The following NUTM2B variants were observed in gnomAD, a reference collection of about 807,000 sequenced individuals.
The protein encoded by NUTM2B is family with sequence similarity 22, member B.
NUTM2B carries 2 observed loss-of-function variants against 42.4 expected under a neutral mutation model. The observed-to-expected ratio is 0.05, with a 90% CI of 0.02 to 0.15. The LOEUF is 0.15. Ranked by LOEUF, NUTM2B falls within the 10% of genes least tolerant of loss-of-function variation. The pLI, the probability that NUTM2B is intolerant of heterozygous loss-of-function variation, is 1.00. For missense variants in NUTM2B, 58 were observed against 952.6 expected, an observed-to-expected ratio of 0.06 and a Z score of 12.36; for synonymous variants, 18 against 402.4, an observed-to-expected ratio of 0.04 and a Z score of 11.43.
upstream of NUTM2B, among the ~76,000 whole-genome samples, chr10:79,701,534 A>G (rs1463011442): frequency 2.6e-5 from 4 of 152,008 alleles, no homozygotes; most frequent in Non-Finnish European, 5.9e-5. Flanking sequence ...GATAACACTG[A>G]AGAGCCTTCA....
At chr10:79,702,671 C>T (rs1361220324), upstream of NUTM2B, among the ~76,000 whole-genome samples, 1 of 150,130 alleles carries the variant, frequency 6.7e-6, no homozygotes, top group South Asian at 2.1e-4. Context: ...ACCCTCCCAT[C>T]GTGCAAAATT....
chr10:79,700,835 A>G (rs576130800), upstream of NUTM2B, among the ~76,000 whole-genome samples: 1 of 152,304 alleles, frequency 6.6e-6, no homozygotes, highest in African/African-American at 2.4e-5. Context: ...GCAGGCCAGG[A>G]GCCCGCCCTA....
upstream of NUTM2B, among the ~76,000 whole-genome samples, chr10:79,701,129 T>A (rs555656427): frequency 2.0e-5 from 3 of 152,256 alleles, no homozygotes; most frequent in South Asian, 4.2e-4. Flanking sequence ...TTCCTGCTCA[T>A]GCCTTTCAAA....
the NUTM2B span, among the ~76,000 whole-genome samples, chr10:79,693,547 G>A: frequency 2.0e-5 from 3 of 152,174 alleles, no homozygotes; most frequent in Admixed American, 6.5e-5. Context: ...CGACCTCAGC[G>A]ATTCTAGCAA....
chr10:79,699,481 T>C (rs34368728), upstream of NUTM2B, among the ~76,000 whole-genome samples: 1,464 of 151,474 alleles, frequency 9.7e-3, 13 homozygotes, highest in Non-Finnish European at 0.016. Context: ...CTCGCTCTGT[T>C]GCCCAGGCTG....
upstream of NUTM2B, among the ~76,000 whole-genome samples, chr10:79,699,454 G>A (rs2132234143): frequency 6.6e-6 from 1 of 152,078 alleles, no homozygotes; most frequent in African/African-American, 2.4e-5. Context: ...TCTTTTTTAG[G>A]GGGCGGGGAA....
Position 79,706,962 on chromosome 10 carries a change from C to T in NUTM2B, c.1082+221C>T, listed in dbSNP as rs1395304741. ...ACTGCCCGTCACTGTCCCGTGAGTCCGGCCAATCCTTACTTTCAATAATTT... is the reference window on the plus strand; with the variant it reads ...ACTGCCCGTCACTGTCCCGTGAGTCTGGCCAATCCTTACTTTCAATAATTT... On this transcript the variant is annotated intron_variant, in intron 2 of 6. Transcript: ENST00000429828. Among the ~76,000 whole-genome samples the T allele has an allele frequency of 7.3e-5, 8 of 109,952 alleles. 1 individual carries two copies. In the South Asian group the frequency reaches 1.0e-3, roughly 14 times the overall value. 72.1% of individuals were successfully genotyped at this position (109,952 alleles called of 152,430 possible). A position where few individuals can be genotyped will look rare whatever the true frequency, so the allele number is the denominator to read the frequency against.
At chr10:79,702,413 T>C (rs1339012180), upstream of NUTM2B, among the ~76,000 whole-genome samples, 1 of 148,740 alleles carries the variant, frequency 6.7e-6, no homozygotes, top group Non-Finnish European at 1.5e-5. Flanking sequence ...TGGACAGGAG[T>C]TAGGAAATGA....
At chr10:79,696,413 A>G in the NUTM2B span, among the ~76,000 whole-genome samples, 39,058 of 150,876 alleles carry the variant, frequency 0.26, 5,702 homozygotes, top group East Asian at 0.69. Context: ...CACCCTGAGT[A>G]GGACCCACAA....
At chr10:79,697,666 ATTT>A in the NUTM2B span, among the ~76,000 whole-genome samples, 3 of 152,128 alleles carry the variant, frequency 2.0e-5, no homozygotes, top group African/African-American at 7.2e-5. Flanking sequence ...TTCTTTTGTT[ATTT>A]TTTTAAGAAA....
upstream of NUTM2B, among the ~76,000 whole-genome samples, chr10:79,702,631 T>A (rs1400605742): frequency 2.0e-5 from 3 of 150,730 alleles, no homozygotes; most frequent in East Asian, 4.0e-4. Context: ...TGTGCACCGG[T>A]CTGGCTGAAG....
the NUTM2B span, among the ~76,000 whole-genome samples, chr10:79,694,196 G>C: frequency 2.0e-5 from 3 of 152,048 alleles, no homozygotes; most frequent in African/African-American, 4.8e-5. Flanking sequence ...TTAGGAGTTC[G>C]AGACCAGCCT....
At chr10:79,700,635 C>A (rs1232673468), upstream of NUTM2B, among the ~76,000 whole-genome samples, 1 of 152,092 alleles carries the variant, frequency 6.6e-6, no homozygotes, top group African/African-American at 2.4e-5. Flanking sequence ...TCTGATCACC[C>A]TTGGCTTTAT....
chr10:79,696,611 T>C, the NUTM2B span, among the ~76,000 whole-genome samples: 1 of 151,890 alleles, frequency 6.6e-6, no homozygotes, highest in Non-Finnish European at 1.5e-5. Flanking sequence ...GGTCCTGCAG[T>C]AAGGAGGTGG....
chr10:79,695,423 C>G, the NUTM2B span, among the ~76,000 whole-genome samples: 1,248 of 152,312 alleles, frequency 8.2e-3, 14 homozygotes, highest in African/African-American at 0.028. Context: ...TACCAAGACT[C>G]CACTGAGATA....
the NUTM2B span, among the ~76,000 whole-genome samples, chr10:79,694,845 C>T: frequency 6.6e-6 from 1 of 152,064 alleles, no homozygotes; most frequent in Admixed American, 6.5e-5. Flanking sequence ...GAACACAGAT[C>T]GGTGCCTCCT....
chr10:79,692,595 C>G, the NUTM2B span, among the ~76,000 whole-genome samples: 1 of 152,188 alleles, frequency 6.6e-6, no homozygotes, highest in African/African-American at 2.4e-5. Context: ...GGCAATGAAG[C>G]TCCCCCTAAA....
the NUTM2B span, among the ~76,000 whole-genome samples, chr10:79,692,791 C>G: frequency 2.0e-5 from 3 of 152,188 alleles, no homozygotes; most frequent in Non-Finnish European, 2.9e-5. Flanking sequence ...CATTAGGAAC[C>G]TGGGGTGACT....
the NUTM2B span, among the ~76,000 whole-genome samples, chr10:79,697,949 C>A: frequency 6.7e-6 from 1 of 150,244 alleles, no homozygotes; most frequent in Admixed American, 6.7e-5. Context: ...CAAATACACA[C>A]AGAACCACAA....
Sources: allele counts gnomAD v4.1 joint callset (sites outside exome capture counted in the v4.1 genomes callset), GRCh38; gene constraint gnomAD v4.1.1; transcripts MANE v1.5; gene names NCBI Gene and HGNC (gene_info 2026-07-23, HGNC 2026-07-21).